The following CSMD2 variants were observed in gnomAD, a reference collection of about 807,000 sequenced individuals.
The protein encoded by CSMD2 is CUB and sushi domain-containing protein 2.
CSMD2 carries 130 observed loss-of-function variants against 398.5 expected under a neutral mutation model. The observed-to-expected ratio is 0.33, with a 90% confidence interval of 0.28 to 0.38. The LOEUF is 0.38. Ranked by LOEUF, CSMD2 falls within the 10% of genes least tolerant of loss-of-function variation. The pLI, the probability that CSMD2 is intolerant of heterozygous loss-of-function variation, is 1.00. For missense variants in CSMD2, 3,829 were observed against 4,764.9 expected (o/e 0.80, Z 5.78); for synonymous variants, 1,828 against 1,908.5 (o/e 0.96, Z 1.10).
intron 57 of CSMD2, among the ~76,000 whole-genome samples, chr1:33,544,808 G>T (rs1233831883): frequency 6.8e-6 from 1 of 147,406 alleles, no homozygotes; most frequent in Non-Finnish European, 1.5e-5. Flanking sequence ...CACTGTAAAT[G>T]CCCTGACTTG....
chr1:33,564,540 T>G (rs1429526781), intron 53 of CSMD2, among the ~76,000 whole-genome samples: 2 of 152,238 alleles, frequency 1.3e-5, no homozygotes, highest in African/African-American at 2.4e-5. Context: ...TAGACACATC[T>G]GAAAGAGTGA....
intron 3 of CSMD2, among the ~76,000 whole-genome samples, chr1:33,957,229 G>A (rs891249372): frequency 6.6e-6 from 1 of 152,054 alleles, no homozygotes; most frequent in Non-Finnish European, 1.5e-5. Flanking sequence ...TGCAAGCAGG[G>A]AGCCTCTCTG....
intron 3 of CSMD2, among the ~76,000 whole-genome samples, chr1:33,956,831 CA>C (rs1645185565): frequency 6.6e-6 from 1 of 152,138 alleles, no homozygotes; most frequent in Admixed American, 6.5e-5. Flanking sequence ...TGTTAAAATA[CA>C]AATTAGAGCA....
Position 33,540,654 on chromosome 1 carries a change from C to T in CSMD2, c.9502G>A (p.Val3168Met). 6.2e-7 allele frequency: 1 copy of T among 1,614,218 alleles called. No individual in the cohort carries two copies. The highest frequency in any genetic ancestry group is 8.5e-7 in the Non-Finnish European group (1 of 1,180,038). The change falls in exon 60 of 71, where the codon GTG becomes ATG. Residue 3168 changes from valine to methionine, a missense_variant. This residue lies in a region of CSMD2 where 917 missense variants were observed against 1,199.5 expected (regional missense o/e 0.76). Transcript: ENST00000373381. ...PPPLIPNGKV[V>M]GSDFMWGSSV... is the part of the protein sequence containing the mutation. ...GAGCCCCACATGAAGTCAGACCCCA[C>T]CACCTTCCCATTGGGGATGAGCGGA...
At position 33,920,542 on chromosome 1, in the gene CSMD2, C is replaced by CAAAAAA. The variant is rs58865984; in HGVS notation, c.713-2247_713-2242dup. On this transcript the variant is annotated intron_variant, in intron 4 of 70. Coordinates refer to ENST00000373381, the MANE Select transcript of CSMD2 (RefSeq NM_001281956.2). Reference sequence around the variant, plus strand: ...GGGCAATAAGAGCGACAATCTGTCTCAAAAAAAAAAAAAAAAAAAAAAAGA... The same window carrying CAAAAAA: ...GGGCAATAAGAGCGACAATCTGTCTCAAAAAAAAAAAAAAAAAAAAAAAAAAAAAGA... Among the ~76,000 whole-genome samples, 88 of 84,186 alleles carry CAAAAAA rather than the reference C, an allele frequency of 1.0e-3. 1 individual carries two copies. Among genetic ancestry groups the CAAAAAA allele is most frequent in the Admixed American group, 1.9e-3 (12 of 6,412 alleles). The allele number at this position is 84,186 out of a possible 152,430, so 55.2% of individuals were successfully genotyped here.
intron 3 of CSMD2, among the ~76,000 whole-genome samples, chr1:34,019,201 A>C (rs1251132938): frequency 6.6e-6 from 1 of 152,166 alleles, no homozygotes; most frequent in African/African-American, 2.4e-5. Flanking sequence ...GCTAGCTTTC[A>C]TTATCATCCT....
chr1:33,886,984 T>C (rs750693899), intron 5 of CSMD2, among the ~76,000 whole-genome samples: 8 of 152,052 alleles, frequency 5.3e-5, no homozygotes, highest in Non-Finnish European at 8.8e-5. Flanking sequence ...GGTTTTTTTT[T>C]TTAAATTTAT....
intron 41 of CSMD2, among the ~76,000 whole-genome samples, chr1:33,608,283 C>A (rs760515755): frequency 6.6e-6 from 1 of 152,128 alleles, no homozygotes; most frequent in African/African-American, 2.4e-5. Context: ...GGGAGCACAG[C>A]GAGTGGCTGG....
At chr1:33,812,662 ATT>A (rs1402240856) in intron 9 of CSMD2, among the ~76,000 whole-genome samples, 1 of 118,460 alleles carries the variant, frequency 8.4e-6, no homozygotes, top group African/African-American at 3.4e-5. Flanking sequence ...AGAAAATCTG[ATT>A]TTGTTTCTTC....
At chr1:34,002,382 G>C (rs528812783) in intron 3 of CSMD2, among the ~76,000 whole-genome samples, 298 of 152,296 alleles carry the variant, frequency 2.0e-3, no homozygotes, top group South Asian at 6.4e-3. Flanking sequence ...CTTGTCTTGT[G>C]ACAATGGCAG....
At chr1:33,864,000 G>A in intron 5 of CSMD2, 1 of 578,114 alleles carries the variant, frequency 1.7e-6, no homozygotes, top group East Asian at 2.9e-5. Context: ...CTGGCTTGTG[G>A]ATGATGTCAC....
chr1:33,708,612 A>ATTATTATTATTG (rs1374068146), intron 22 of CSMD2, among the ~76,000 whole-genome samples: 1 of 149,346 alleles, frequency 6.7e-6, no homozygotes. Context: ...TATTATTATT[A>ATTATTATTATTG]TTATTTTGAG....
chr1:33,780,423 G>A (rs1464038144), intron 12 of CSMD2, among the ~76,000 whole-genome samples: 6 of 152,262 alleles, frequency 3.9e-5, no homozygotes, highest in African/African-American at 1.4e-4. Context: ...GCACACGATT[G>A]CCACAAGTGG....
Position 33,572,561 on chromosome 1 carries a change from T to G in CSMD2, c.7707A>C (p.Ala2569=). 2 of 1,614,120 alleles carry G rather than the reference T, an allele frequency of 1.2e-6. No individual in the cohort carries two copies. Among genetic ancestry groups the G allele is most frequent in the Non-Finnish European group, 1.7e-6 (2 of 1,179,996 alleles). Residue 2569 remains alanine, a synonymous_variant, in exon 50 of 71, where the codon GCA becomes GCC. Coordinates refer to ENST00000373381, the MANE Select transcript of CSMD2 (RefSeq NM_001281956.2). ...YHLQAGAEAT[A]ECLDTGLWSN... ...TCCATAGGCCTGTGTCCAGACACTC[T>G]GCAGTGGCCTCAGCGCCTGCCTGGA... is the stretch of plus-strand genomic sequence containing the variant.
chr1:33,836,386 A>T (rs889370810), intron 6 of CSMD2, among the ~76,000 whole-genome samples: 2 of 152,150 alleles, frequency 1.3e-5, no homozygotes, highest in African/African-American at 4.8e-5. Context: ...ACTCTCTTCA[A>T]AGCTGTCAGA....
At chr1:33,810,192 G>A (rs1414758113) in intron 10 of CSMD2, among the ~76,000 whole-genome samples, 2 of 151,994 alleles carry the variant, frequency 1.3e-5, no homozygotes, top group African/African-American at 2.4e-5. Context: ...AAGGGCACAG[G>A]AGAAAAAAAC....
At chr1:33,551,130 T>C (rs1212362089) in intron 55 of CSMD2, among the ~76,000 whole-genome samples, 2 of 152,142 alleles carry the variant, frequency 1.3e-5, no homozygotes, top group African/African-American at 2.4e-5. Context: ...GAGAAGAGTA[T>C]TGTTGGGGAT....
intron 3 of CSMD2, among the ~76,000 whole-genome samples, chr1:34,023,767 G>C (rs1440346376): frequency 1.3e-5 from 2 of 152,232 alleles, no homozygotes; most frequent in South Asian, 4.2e-4. Flanking sequence ...TTGAAATGGA[G>C]AGAAAATTAC....
At chr1:33,860,013 T>A (rs766476390) in intron 5 of CSMD2, among the ~76,000 whole-genome samples, 21 of 152,214 alleles carry the variant, frequency 1.4e-4, no homozygotes, top group African/African-American at 5.1e-4. Flanking sequence ...AAATGTCCTG[T>A]ATACCCTTCA....
Sources: allele counts gnomAD v4.1 joint callset (sites outside exome capture counted in the v4.1 genomes callset), GRCh38; gene constraint gnomAD v4.1.1; regional missense constraint gnomAD v4.1.1; transcripts MANE v1.5; gene names NCBI Gene and HGNC (gene_info 2026-07-23, HGNC 2026-07-21).